HSPA1B: variants seen among roughly 807,000 people sequenced by gnomAD.
HSPA1B encodes the protein heat shock protein family A (Hsp70) member 1B, also known as heat shock 70 kDa protein 1B.
In HSPA1B, 7 loss-of-function variants were observed where a neutral mutation model predicts 9.0. That is an observed-to-expected ratio of 0.78 (90% CI 0.44 to 1.46). HSPA1B has a LOEUF of 1.46. HSPA1B is among the 40% of genes most tolerant of loss of function. The probability of loss-of-function intolerance (pLI) is 0.01; values close to 1 mark genes in which losing one functional copy is unlikely to be tolerated. For synonymous variants in HSPA1B, 125 were observed against 184.5 expected (o/e 0.68, Z 2.61); for missense variants, 199 against 424.5 (o/e 0.47, Z 4.67).
At position 31,828,334 on chromosome 6, in the gene HSPA1B, G is replaced by A; in HGVS notation, c.384G>A (p.Lys128=). 1 of 477,994 alleles carries A rather than the reference G, an allele frequency of 2.1e-6. No homozygotes were observed. Among genetic ancestry groups the A allele is most frequent in the Non-Finnish European group, 3.4e-6 (1 of 294,238 alleles). The allele number at this position is 477,994 out of a possible 1,614,324, so 29.6% of individuals were successfully genotyped here. Residue 128 remains lysine, a synonymous_variant, in exon 1 of 1, where the codon AAG becomes AAA. Coordinates refer to ENST00000375650, the MANE Select transcript of HSPA1B (RefSeq NM_005346.6). The stretch of plus-strand genomic sequence containing the variant: ...CGTCCATGGTGCTGACCAAGATGAA[G>A]GAGATCGCCGAGGCGTACCTGGGCT... ...EISSMVLTKM[K]EIAEAYLGYP...
Position 31,828,073 on chromosome 6 carries a change from C to T in HSPA1B, c.123C>T (p.Tyr41=), listed in dbSNP as rs1344549552. The T allele has an allele frequency of 6.2e-7, 1 of 1,604,184 alleles. No homozygotes were observed. Among genetic ancestry groups the T allele is most frequent in the East Asian group, 2.2e-5 (1 of 44,552 alleles). The change falls in exon 1 of 1, where the codon TAC becomes TAT. Residue 41 remains tyrosine, a synonymous_variant. Transcript: ENST00000375650. ...AGGGCAACCGCACCACCCCCAGCTA[C>T]GTGGCCTTCACGGACACCGAGCGGC... ...NDQGNRTTPS[Y]VAFTDTERLI... is the part of the protein sequence containing the mutation.
Position 31,827,876 on chromosome 6 carries a change from A to G in HSPA1B, c.-75A>G. The G allele has an allele frequency of 6.2e-7, 1 of 1,612,562 alleles. No homozygotes were observed. The highest frequency in any genetic ancestry group is 8.5e-7 in the Non-Finnish European group (1 of 1,179,626). ...GAGTTTCCGGCGTTCCGAAGGACTGAGCTCTTGTCGCGGATCCCGTCCGCC... is the reference window on the plus strand; with the variant it reads ...GAGTTTCCGGCGTTCCGAAGGACTGGGCTCTTGTCGCGGATCCCGTCCGCC... On this transcript the variant is annotated 5_prime_UTR_variant, in exon 1 of 1. Coordinates refer to ENST00000375650, the MANE Select transcript of HSPA1B (RefSeq NM_005346.6).
At position 31,830,146 on chromosome 6, in the gene HSPA1B, G is replaced by C. The variant is rs668558; in HGVS notation, c.*270G>C. ...TGCCACCTTCTGTACGAGTTTGTTTGTTTTTTTTTTTTTTTTTTTTTTTTG... is the reference window on the plus strand; with the variant it reads ...TGCCACCTTCTGTACGAGTTTGTTTCTTTTTTTTTTTTTTTTTTTTTTTTG... On this transcript the variant is annotated 3_prime_UTR_variant, in exon 1 of 1. Transcript: ENST00000375650. The C allele has an allele frequency of 2.4e-5, 2 of 84,070 alleles. No homozygotes were observed. The highest frequency in any genetic ancestry group is 4.2e-5 in the Non-Finnish European group (2 of 47,780). The allele number at this position is 84,070 out of a possible 1,614,324, so 5.2% of individuals were successfully genotyped here.
In HSPA1B at chr6:31,830,045, G is replaced by A. The variant is rs955418752; in HGVS notation, c.*169G>A. 6.2e-6 allele frequency: 5 copies of A among 804,368 alleles called. No homozygotes were observed. 49.8% of individuals were successfully genotyped at this position (804,368 alleles called of 1,614,324 possible). ...GCTTCATTATTTTTGTAGTACAACCGATATGTTCATTAGAATTCTTTGCAT... is the reference window on the plus strand; with the variant it reads ...GCTTCATTATTTTTGTAGTACAACCAATATGTTCATTAGAATTCTTTGCAT... On this transcript the variant is annotated 3_prime_UTR_variant, in exon 1 of 1. Coordinates refer to ENST00000375650, the MANE Select transcript of HSPA1B (RefSeq NM_005346.6).
At position 31,827,977 on chromosome 6, in the gene HSPA1B, C is replaced by T. The variant is rs1160043619; in HGVS notation, c.27C>T (p.Ile9=). The change falls in exon 1 of 1, where the codon ATC becomes ATT. Residue 9 remains isoleucine, a synonymous_variant. Transcript: ENST00000375650. The part of the protein sequence containing the change: MAKAAAIG[I]DLGTTYSCVG... ...TGGCCAAAGCCGCGGCGATCGGCAT[C>T]GACCTGGGCACCACCTACTCCTGCG... 5.0e-6 allele frequency: 8 copies of T among 1,612,956 alleles called. No homozygotes were observed. The African/African-American group carries it at 1.1e-4, about 22-fold the overall frequency.
chr6:31,829,959 C>G lies in HSPA1B; in HGVS notation c.*83C>G. 1 of 1,506,982 alleles carries G rather than the reference C, an allele frequency of 6.6e-7. No individual in the cohort carries two copies. The highest frequency in any genetic ancestry group is 9.0e-7 in the Non-Finnish European group (1 of 1,115,458). 93.4% of individuals were successfully genotyped at this position (1,506,982 alleles called of 1,614,324 possible). A position where few individuals can be genotyped will look rare whatever the true frequency, so the allele number is the denominator to read the frequency against. On this transcript the variant is annotated 3_prime_UTR_variant, in exon 1 of 1. Coordinates refer to ENST00000375650, the MANE Select transcript of HSPA1B (RefSeq NM_005346.6). Reference sequence around the variant, plus strand: ...TTGCTGCTGTTTTCCTATGTCATTTCTGCTTCAGCTCTTTGCTGCTTCACT... The same window carrying G: ...TTGCTGCTGTTTTCCTATGTCATTTGTGCTTCAGCTCTTTGCTGCTTCACT...
In HSPA1B at chr6:31,828,204, C is replaced by G. The variant is rs1344161454; in HGVS notation, c.254C>G (p.Ser85Trp). The G allele has an allele frequency of 1.4e-5, 17 of 1,212,132 alleles. No individual in the cohort carries two copies. Among genetic ancestry groups the G allele is most frequent in the Admixed American group, 2.3e-5 (1 of 43,190 alleles). The allele number at this position is 1,212,132 out of a possible 1,614,324, so 75.1% of individuals were successfully genotyped here. A position where few individuals can be genotyped will look rare whatever the true frequency, so the allele number is the denominator to read the frequency against. The part of the protein sequence containing the change: ...GRKFGDPVVQ[S>W]DMKHWPFQVI... ...AAGTTCGGCGACCCGGTGGTGCAGTCGGACATGAAGCACTGGCCTTTCCAG... is the reference window on the plus strand; with the variant it reads ...AAGTTCGGCGACCCGGTGGTGCAGTGGGACATGAAGCACTGGCCTTTCCAG... Residue 85 changes from serine to tryptophan, a missense_variant, in exon 1 of 1, where the codon TCG becomes TGG. Coordinates refer to ENST00000375650, the MANE Select transcript of HSPA1B (RefSeq NM_005346.6).
chr6:31,827,955 C>G lies in HSPA1B; in HGVS notation c.5C>G (p.Ala2Gly). ...CCCACAGAGCAGGGCACCGGCATGG[C>G]CAAAGCCGCGGCGATCGGCATCGAC... MAKAAAIGIDLG... is the reference protein window; with the variant it reads MGKAAAIGIDLG... Residue 2 changes from alanine (A) to glycine (G), a missense_variant, in exon 1 of 1, where the codon GCC (alanine) becomes GGC (glycine). This residue lies in a region of HSPA1B where 51 missense variants were observed against 70.9 expected (regional missense o/e 0.72). Transcript: ENST00000375650. 1 of 1,613,302 alleles carries G rather than the reference C, an allele frequency of 6.2e-7. No individual in the cohort carries two copies. Among genetic ancestry groups the G allele is most frequent in the South Asian group, 1.1e-5 (1 of 91,056 alleles).
In HSPA1B at chr6:31,827,863, T is replaced by G. The variant is rs1269462814; in HGVS notation, c.-88T>G. 1.9e-6 allele frequency: 3 copies of G among 1,611,466 alleles called. No individual in the cohort carries two copies. In the Admixed American group the frequency reaches 5.0e-5, roughly 27 times the overall value. The stretch of plus-strand genomic sequence containing the variant: ...GCACCGGCGTGTTGAGTTTCCGGCG[T>G]TCCGAAGGACTGAGCTCTTGTCGCG... On this transcript the variant is annotated 5_prime_UTR_variant, in exon 1 of 1. Coordinates refer to ENST00000375650, the MANE Select transcript of HSPA1B (RefSeq NM_005346.6).
chr6:31,829,910 G>A lies in HSPA1B; in HGVS notation c.*34G>A, dbSNP rs1355006764. ...GTTCTTTAGTATGTTTGTCTTTGAG[G>A]TGGACTGTTGGGACTCAAGGACTTT... is the stretch of plus-strand genomic sequence containing the variant. On this transcript the variant is annotated 3_prime_UTR_variant, in exon 1 of 1. Coordinates refer to ENST00000375650, the MANE Select transcript of HSPA1B (RefSeq NM_005346.6). The A allele has an allele frequency of 1.2e-6, 2 of 1,603,714 alleles. No homozygotes were observed. Among genetic ancestry groups the A allele is most frequent in the East Asian group, 2.2e-5 (1 of 44,782 alleles).
rs1000695337 is a variant in HSPA1B at position 31,827,760 on chromosome 6, C to G, written c.-191C>G. ...GGAAAACGGCCAGCCTGAGGAGCTGCTGCGAGGGTCCGCTTCGTCTTTCGA... is the reference window on the plus strand; with the variant it reads ...GGAAAACGGCCAGCCTGAGGAGCTGGTGCGAGGGTCCGCTTCGTCTTTCGA... On this transcript the variant is annotated 5_prime_UTR_variant, in exon 1 of 1. Transcript: ENST00000375650. 7.7e-7 allele frequency: 1 copy of G among 1,306,610 alleles called. No individual in the cohort carries two copies. Among genetic ancestry groups the G allele is most frequent in the Non-Finnish European group, 1.1e-6 (1 of 934,704 alleles). 80.9% of individuals were successfully genotyped at this position (1,306,610 alleles called of 1,614,324 possible).
Position 31,828,413 on chromosome 6 carries a change from C to T in HSPA1B, c.463C>T (p.Arg155Cys). The change falls in exon 1 of 1, where the codon CGC becomes TGC. Residue 155 changes from arginine (R) to cysteine (C), a missense_variant. This residue lies in a region of HSPA1B where 49 missense variants were observed against 40.0 expected (regional missense o/e 1.23). Transcript: ENST00000375650. Reference sequence around the variant, plus strand: ...GCCGGCCTACTTCAACGACTCGCAGCGCCAGGCCACCAAGGATGCGGGTGT... The same window carrying T: ...GCCGGCCTACTTCAACGACTCGCAGTGCCAGGCCACCAAGGATGCGGGTGT... Reference protein sequence around the residue: ...TVPAYFNDSQRQATKDAGVIA... With the variant: ...TVPAYFNDSQCQATKDAGVIA... 1 of 365,754 alleles carries T rather than the reference C, an allele frequency of 2.7e-6. No individual in the cohort carries two copies. Among genetic ancestry groups the T allele is most frequent in the Non-Finnish European group, 4.6e-6 (1 of 215,862 alleles). The allele number at this position is 365,754 out of a possible 1,614,324, so 22.7% of individuals were successfully genotyped here.
Position 31,830,060 on chromosome 6 carries a change from ATTC to A in HSPA1B, c.*187_*189del, listed in dbSNP as rs1816925965. On this transcript the variant is annotated 3_prime_UTR_variant, in exon 1 of 1. Transcript: ENST00000375650. ...TAGTACAACCGATATGTTCATTAGA[ATTC>A]TTTGCATTTAATGTTGATACTGTAA... 2 of 729,424 alleles carry A rather than the reference ATTC, an allele frequency of 2.7e-6. No homozygotes were observed. Among genetic ancestry groups the A allele is most frequent in the Non-Finnish European group, 4.5e-6 (2 of 446,056 alleles). 45.2% of individuals were successfully genotyped at this position (729,424 alleles called of 1,614,324 possible).
In HSPA1B at chr6:31,827,894, C is replaced by T. The variant is rs778151524; in HGVS notation, c.-57C>T. 6 of 1,612,870 alleles carry T rather than the reference C, an allele frequency of 3.7e-6. No individual in the cohort carries two copies. Among genetic ancestry groups the T allele is most frequent in the Admixed American group, 3.3e-5 (2 of 59,930 alleles). The stretch of plus-strand genomic sequence containing the variant: ...AGGACTGAGCTCTTGTCGCGGATCC[C>T]GTCCGCCGTTTCCAGCCCCCAGTCT... On this transcript the variant is annotated 5_prime_UTR_variant, in exon 1 of 1. Coordinates refer to ENST00000375650, the MANE Select transcript of HSPA1B (RefSeq NM_005346.6).
In HSPA1B at chr6:31,830,126, C is replaced by A; in HGVS notation, c.*250C>A. On this transcript the variant is annotated 3_prime_UTR_variant, in exon 1 of 1. Transcript: ENST00000375650. ...CCCTTTAAATGAATCAACACTGCCA[C>A]CTTCTGTACGAGTTTGTTTGTTTTT... 2.4e-6 allele frequency: 1 copy of A among 420,556 alleles called. No homozygotes were observed. The highest frequency in any genetic ancestry group is 5.9e-5 in the South Asian group (1 of 16,850). The allele number at this position is 420,556 out of a possible 1,614,324, so 26.1% of individuals were successfully genotyped here. A position where few individuals can be genotyped will look rare whatever the true frequency, so the allele number is the denominator to read the frequency against.
chr6:31,830,010 T>G lies in HSPA1B; in HGVS notation c.*134T>G. On this transcript the variant is annotated 3_prime_UTR_variant, in exon 1 of 1. Coordinates refer to ENST00000375650, the MANE Select transcript of HSPA1B (RefSeq NM_005346.6). The stretch of plus-strand genomic sequence containing the variant: ...TCTTTGTAAAGTTGTAACCTGATGG[T>G]AATTAGCTGGCTTCATTATTTTTGT... 9.1e-7 allele frequency: 1 copy of G among 1,104,262 alleles called. No homozygotes were observed. Among genetic ancestry groups the G allele is most frequent in the Non-Finnish European group, 1.3e-6 (1 of 764,438 alleles). 68.4% of individuals were successfully genotyped at this position (1,104,262 alleles called of 1,614,324 possible). A position where few individuals can be genotyped will look rare whatever the true frequency, so the allele number is the denominator to read the frequency against.
chr6:31,827,772 G>T lies in HSPA1B; in HGVS notation c.-179G>T, dbSNP rs760804114. On this transcript the variant is annotated 5_prime_UTR_variant, in exon 1 of 1. Transcript: ENST00000375650. ...GCCTGAGGAGCTGCTGCGAGGGTCC[G>T]CTTCGTCTTTCGAGAGTGACTCCCG... The T allele has an allele frequency of 2.3e-4, 321 of 1,381,044 alleles. No homozygotes were observed. The highest frequency in any genetic ancestry group is 3.2e-4 in the Non-Finnish European group (315 of 999,920). The allele number at this position is 1,381,044 out of a possible 1,614,324, so 85.5% of individuals were successfully genotyped here.
In HSPA1B at chr6:31,829,723, G is replaced by GTT; in HGVS notation, c.1775_1776dup (p.Glu593LeufsTer94). The GTT allele has an allele frequency of 1.2e-6, 2 of 1,612,668 alleles. No homozygotes were observed. The highest frequency in any genetic ancestry group is 1.7e-6 in the Non-Finnish European group (2 of 1,179,958). ...CCAACACCTTGGCCGAGAAGGACGA[G>GTT]TTTGAGCACAAGAGGAAGGAGCTGG... is the stretch of plus-strand genomic sequence containing the variant. On this transcript the variant is annotated frameshift_variant, in exon 1 of 1. Coordinates refer to ENST00000375650, the MANE Select transcript of HSPA1B (RefSeq NM_005346.6). LOFTEE classifies it low-confidence loss of function (END_TRUNC).
rs1240951280 is a variant in HSPA1B at position 31,830,142 on chromosome 6, GTTTGTTTTTTTTT to G, written c.*270_*282del. On this transcript the variant is annotated 3_prime_UTR_variant, in exon 1 of 1. Transcript: ENST00000375650. ...ACACTGCCACCTTCTGTACGAGTTT[GTTTGTTTTTTTTT>G]TTTTTTTTTTTTTTTGCTTGGCGAA... 7.0e-4 allele frequency: 80 copies of G among 114,234 alleles called. No homozygotes were observed. Among genetic ancestry groups the G allele is most frequent in the Non-Finnish European group, 1.0e-3 (67 of 65,702 alleles). The allele number at this position is 114,234 out of a possible 1,614,324, so 7.1% of individuals were successfully genotyped here. A position where few individuals can be genotyped will look rare whatever the true frequency, so the allele number is the denominator to read the frequency against.
Sources: gnomAD v4.1 joint callset for allele counts on GRCh38, gnomAD v4.1.1 for gene constraint, gnomAD v4.1.1 regional missense constraint, MANE v1.5 for transcripts, NCBI Gene and HGNC (gene_info 2026-07-23, HGNC 2026-07-21) for gene names.